Variants in ZAN observed in about 807,000 individuals in gnomAD.
ZAN encodes zonadhesin (gene/pseudogene).
ZAN carries 260 observed loss-of-function variants against 286.2 expected under a neutral mutation model. The observed-to-expected ratio is 0.91, with a 90% CI of 0.82 to 1.01. The LOEUF (loss-of-function observed/expected upper bound fraction) is 1.01, where lower values mean the gene tolerates loss of function less well. ZAN is among the 50% of genes least tolerant of loss of function. ZAN has a pLI of 0.00. For missense variants in ZAN, 3,410 were observed against 3,639.2 expected (o/e 0.94, Z 1.62); for synonymous variants, 1,368 against 1,417.5 (o/e 0.97, Z 0.79).
At position 100,738,478 on chromosome 7, in the gene ZAN, T is replaced by C. The variant is rs1299737797; in HGVS notation, c.631T>C (p.Cys211Arg). The C allele has an allele frequency of 2.0e-6, 3 of 1,474,498 alleles. No individual in the cohort carries two copies. Among genetic ancestry groups the C allele is most frequent in the Non-Finnish European group, 2.8e-6 (3 of 1,082,042 alleles). 91.3% of individuals were successfully genotyped at this position (1,474,498 alleles called of 1,614,324 possible). The change falls in exon 7 of 48, where the codon TGC becomes CGC. Residue 211 changes from cysteine (C) to arginine (R), a missense_variant. This residue lies in a region of ZAN where 872 missense variants were observed against 938.9 expected (regional missense o/e 0.93). Transcript: ENST00000613979. ...CCTCTCAGTCTGTATGATGCAAACA[T>C]GCAGCTTTGACATTCCAAATGACCT... The part of the protein sequence containing the change: ...SCNRVCMMQT[C>R]SFDIPNDLCD...
rs5886138 is a variant in ZAN, at chr7:100,790,879, T to TAAA, written c.7358-45_7358-43dup. 8.4e-3 allele frequency: 10,102 copies of TAAA among 1,207,320 alleles called. 590 individuals are homozygous for TAAA. In the African/African-American group the frequency reaches 0.16, roughly 19 times the overall value. The allele number at this position is 1,207,320 out of a possible 1,614,324, so 74.8% of individuals were successfully genotyped here. ...GCCTGGGCAACAGAGCAAGACTGTC[T>TAAA]AAAAAAAAAAAAAAAAAAAAGAGTG... On this transcript the variant is annotated intron_variant, in intron 39 of 47. Coordinates refer to ENST00000613979, the MANE Select transcript of ZAN (RefSeq NM_003386.3).
rs868231022 is a variant in ZAN at position 100,758,550 on chromosome 7, G to T, written c.3471G>T (p.Leu1157Phe). 1 of 1,561,700 alleles carries T rather than the reference G, an allele frequency of 6.4e-7. No individual in the cohort carries two copies. The change falls in exon 17 of 48, where the codon TTG becomes TTT. Residue 1157 changes from leucine (L) to phenylalanine (F), a missense_variant. Physicochemically the swap from Leu to Phe is conservative, Grantham distance 22 (BLOSUM62 0). Coordinates refer to ENST00000613979, the MANE Select transcript of ZAN (RefSeq NM_003386.3). ...TCCCAGCAGGCACTGCCACCTGCTT[G>T]GTCTACGGAGACCCTCATTATGTCA... is the stretch of plus-strand genomic sequence containing the variant. Reference protein sequence around the residue: ...CHPYAGTATCLVYGDPHYVTF... With the variant: ...CHPYAGTATCFVYGDPHYVTF...
intron 11 of ZAN, 130 bp downstream of exon 11, chr7:100,748,600 G>A: frequency 1.6e-6 from 2 of 1,290,252 alleles, no homozygotes; most frequent in Non-Finnish European, 2.1e-6. Flanking sequence ...TGTTTTTTCG[G>A]AAGTTTCCAT....
At chr7:100,782,248 C>T (rs1200570822) in intron 35 of ZAN, among the ~76,000 whole-genome samples, 1 of 148,786 alleles carries the variant, frequency 6.7e-6, no homozygotes, top group Non-Finnish European at 1.5e-5. Context: ...ATATATTAAT[C>T]TTGTTTTATG....
At chr7:100,769,849 T>C in intron 27 of ZAN, 31 bp from the exon 28 acceptor site, 1 of 1,547,144 alleles carries the variant, frequency 6.5e-7, no homozygotes, top group Non-Finnish European at 8.7e-7. Context: ...ACCCAACCTG[T>C]AGCCCTCAGT....
In ZAN at chr7:100,755,237, C is replaced by G. The variant is rs752122413; in HGVS notation, c.3136C>G (p.Pro1046Ala). 1.1e-5 allele frequency: 18 copies of G among 1,612,522 alleles called. No individual in the cohort carries two copies. Among genetic ancestry groups the G allele is most frequent in the Non-Finnish European group, 1.4e-5 (17 of 1,179,132 alleles). Reference sequence around the variant, plus strand: ...TGTTTTCCCCTTAGAGCGCTGCCCTCCAAATGCCCGCTACGAATCCTGTGC... The same window carrying G: ...TGTTTTCCCCTTAGAGCGCTGCCCTGCAAATGCCCGCTACGAATCCTGTGC... The part of the protein sequence containing the change: ...TSRSSTERCP[P>A]NARYESCACP... Residue 1046 changes from proline (P) to alanine (A), a missense_variant, in exon 15 of 48, where the codon CCA becomes GCA. By Grantham distance (27) the Pro-to-Ala change is conservative. Around this residue, in one of 7 missense-constraint regions of ZAN, gnomAD observed 1,042 missense variants for 1,058.0 expected, o/e 0.98. Coordinates refer to ENST00000613979, the MANE Select transcript of ZAN (RefSeq NM_003386.3).
intron 25 of ZAN, 122 bp from the exon 26 acceptor site, chr7:100,767,709 G>A: frequency 9.0e-7 from 1 of 1,113,084 alleles, no homozygotes; most frequent in Non-Finnish European, 1.2e-6. Flanking sequence ...GAGATCCTGG[G>A]CTCAAGCGAT....
rs868751182 is a variant in ZAN at position 100,769,975 on chromosome 7, G to T, written c.5248+1G>T. The T allele has an allele frequency of 6.4e-7, 1 of 1,560,396 alleles. No individual in the cohort carries two copies. Among genetic ancestry groups the T allele is most frequent in the African/African-American group, 1.4e-5 (1 of 73,642 alleles). Reference sequence around the variant, plus strand: ...TGTGCGATCTTAATAAACCCTCAGGGTAAGACATGTCCCTGCTGGCCCTTT... The same window carrying T: ...TGTGCGATCTTAATAAACCCTCAGGTTAAGACATGTCCCTGCTGGCCCTTT... On this transcript the variant is annotated splice_donor_variant, in intron 28 of 47. Transcript: ENST00000613979. LOFTEE classifies it high-confidence loss of function.
At chr7:100,773,561 G>A (rs1810538679) in intron 30 of ZAN, 68 bp downstream of exon 30, 8 of 1,575,058 alleles carry the variant, frequency 5.1e-6, no homozygotes, top group Non-Finnish European at 6.9e-6. Flanking sequence ...GGCAAGCTCA[G>A]GAGAGGCAGG....
In ZAN at chr7:100,748,150, G is replaced by T; in HGVS notation, c.1037G>T (p.Gly346Val). 6.2e-7 allele frequency: 1 copy of T among 1,613,878 alleles called. No homozygotes were observed. The change falls in exon 10 of 48, where the codon GGC (glycine) becomes GTC (valine). Residue 346 changes from glycine (G) to valine (V), a missense_variant. Gly to Val is a moderately radical substitution (Grantham distance 109). This residue lies in a region of ZAN where 872 missense variants were observed against 938.9 expected (regional missense o/e 0.93). Transcript: ENST00000613979. ...AVGRIQFAVV[G>V]VFGKTPEPAV... Reference sequence around the variant, plus strand: ...CTTTCTCTCCAGTTTGCCGTGGTAGGCGTTTTTGGAAAGACCCCAGAGCCA... The same window carrying T: ...CTTTCTCTCCAGTTTGCCGTGGTAGTCGTTTTTGGAAAGACCCCAGAGCCA...
At chr7:100,792,632 G>A in intron 42 of ZAN, 153 bp downstream of exon 42, 1 of 1,446,854 alleles carries the variant, frequency 6.9e-7, no homozygotes, top group Non-Finnish European at 9.1e-7. Context: ...CTCATCTCGG[G>A]CTTTCTGTCT....
Position 100,772,039 on chromosome 7 carries a change from G to C in ZAN, c.5425+19G>C. 1 of 1,574,944 alleles carries C rather than the reference G, an allele frequency of 6.3e-7. No homozygotes were observed. The highest frequency in any genetic ancestry group is 8.6e-7 in the Non-Finnish European group (1 of 1,161,026). On this transcript the variant is annotated intron_variant, in intron 29 of 47. Coordinates refer to ENST00000613979, the MANE Select transcript of ZAN (RefSeq NM_003386.3). The stretch of plus-strand genomic sequence containing the variant: ...TTCTGCCGTGAGTGACTGGCCACCT[G>C]TTCCCACAGCCCATAGGCACCCTCC...
chr7:100,784,492 G>A, intron 35 of ZAN, 131 bp from the exon 36 acceptor site: 1 of 850,838 alleles, frequency 1.2e-6, no homozygotes, highest in Non-Finnish European at 1.8e-6. Flanking sequence ...TTTGCTGAAT[G>A]AATAACAAAA....
At position 100,772,032 on chromosome 7, in the gene ZAN, G is replaced by A; in HGVS notation, c.5425+12G>A. On this transcript the variant is annotated intron_variant, in intron 29 of 47. Coordinates refer to ENST00000613979, the MANE Select transcript of ZAN (RefSeq NM_003386.3). ...CAGAACCTTCTGCCGTGAGTGACTG[G>A]CCACCTGTTCCCACAGCCCATAGGC... The A allele has an allele frequency of 6.3e-7, 1 of 1,580,090 alleles. No homozygotes were observed. Among genetic ancestry groups the A allele is most frequent in the Non-Finnish European group, 8.6e-7 (1 of 1,163,474 alleles).
At chr7:100,745,961 T>C (rs1214061608) in intron 7 of ZAN, among the ~76,000 whole-genome samples, 9 of 143,998 alleles carry the variant, frequency 6.3e-5, no homozygotes, top group African/African-American at 2.1e-4. Flanking sequence ...TGATGGCTCA[T>C]GTCTGTAATC....
chr7:100,750,504 A>T, intron 11 of ZAN, 121 bp from the exon 12 acceptor site: 1 of 1,222,512 alleles, frequency 8.2e-7, no homozygotes, highest in Non-Finnish European at 1.1e-6. Flanking sequence ...AAATAATGCT[A>T]CGACCTGGGA....
intron 5 of ZAN, 72 bp from the exon 6 acceptor site, chr7:100,737,190 A>G: frequency 7.0e-7 from 1 of 1,419,104 alleles, no homozygotes. Context: ...ATCTGAATTC[A>G]GGAAGAAAAC....
chr7:100,747,659 G>T lies in ZAN; in HGVS notation c.1023+18G>T. On this transcript the variant is annotated intron_variant, in intron 9 of 47. Transcript: ENST00000613979. ...GGATACAGGTACAGAGAAGCAAGGG[G>T]TCAGGTCCTTGCACATGGTAGGCAC... The T allele has an allele frequency of 5.6e-6, 9 of 1,607,374 alleles. No individual in the cohort carries two copies. The highest frequency in any genetic ancestry group is 7.7e-6 in the Non-Finnish European group (9 of 1,174,100).
chr7:100,758,494 C>T (rs551687501), intron 16 of ZAN, 37 bp from the exon 17 acceptor site: 24 of 1,553,962 alleles, frequency 1.5e-5, no homozygotes, highest in Admixed American at 3.9e-5. Flanking sequence ...GGAGGAGCCA[C>T]AGAAGCAGCT....
Sources: gnomAD v4.1 joint callset for allele counts (sites outside exome capture counted in the v4.1 genomes callset) on GRCh38, gnomAD v4.1.1 for gene constraint, gnomAD v4.1.1 regional missense constraint, MANE v1.5 for transcripts, NCBI Gene and HGNC (gene_info 2026-07-23, HGNC 2026-07-21) for gene names.